Variants in SSBP3 observed in about 807,000 individuals in gnomAD.
SSBP3 encodes the protein single-stranded DNA-binding protein 3.
A neutral mutation model predicts 69.6 loss-of-function variants in SSBP3; 5 were observed. That is an observed-to-expected ratio of 0.07 (90% CI 0.04 to 0.15). SSBP3 has a LOEUF of 0.15. Among genes scored for constraint, SSBP3 ranks in the 10% least tolerant of loss-of-function variants. SSBP3 has a pLI of 1.00. For synonymous variants in SSBP3, 196 were observed against 193.4 expected (o/e 1.01, Z -0.11); for missense variants, 312 against 534.0 (o/e 0.58, Z 4.10).
At chr1:54,266,753 G>A (rs1417454240) in intron 5 of SSBP3, among the ~76,000 whole-genome samples, 1 of 151,718 alleles carries the variant, frequency 6.6e-6, no homozygotes, top group Non-Finnish European at 1.5e-5. Flanking sequence ...TTATGCCCCT[G>A]AGGACAAACA....
chr1:54,349,672 G>A (rs935419150), intron 4 of SSBP3, among the ~76,000 whole-genome samples: 1 of 151,760 alleles, frequency 6.6e-6, no homozygotes, highest in Non-Finnish European at 1.5e-5. Flanking sequence ...GATGGCTGGG[G>A]GTCACAAGAG....
chr1:54,321,646 A>G (rs1320376078), intron 4 of SSBP3, among the ~76,000 whole-genome samples: 2 of 152,246 alleles, frequency 1.3e-5, no homozygotes, highest in Non-Finnish European at 2.9e-5. Context: ...TTCCCGTGCA[A>G]GTCAAACGAA....
chr1:54,274,177 G>A (rs772760178), intron 5 of SSBP3, among the ~76,000 whole-genome samples: 16 of 152,304 alleles, frequency 1.1e-4, no homozygotes, highest in Admixed American at 2.0e-4. Context: ...ATGGGGAGGG[G>A]GTTTTATTTC....
intron 4 of SSBP3, among the ~76,000 whole-genome samples, chr1:54,381,800 G>A (rs1034506528): frequency 4.6e-5 from 7 of 152,388 alleles, no homozygotes; most frequent in African/African-American, 1.7e-4. Flanking sequence ...GCCCAGGGAA[G>A]GGTGACCCCA....
At chr1:54,242,049 GA>G in intron 11 of SSBP3, 114 bp downstream of exon 11, 1 of 1,226,776 alleles carries the variant, frequency 8.2e-7, no homozygotes, top group Non-Finnish European at 1.2e-6. Context: ...GAAGCATCAG[GA>G]GAGTCCTGCT....
At chr1:54,311,985 C>A (rs1646011738) in intron 4 of SSBP3, among the ~76,000 whole-genome samples, 1 of 152,156 alleles carries the variant, frequency 6.6e-6, no homozygotes, top group African/African-American at 2.4e-5. Context: ...TCTCCAGCAT[C>A]CACCGGCTGA....
At chr1:54,255,879 C>T (rs936823566) in intron 7 of SSBP3, among the ~76,000 whole-genome samples, 2 of 152,124 alleles carry the variant, frequency 1.3e-5, no homozygotes, top group African/African-American at 4.8e-5. Context: ...TTGAGACCAG[C>T]TGGCCAACAT....
rs1358952955 is a variant in SSBP3, at chr1:54,401,749, G to T, written c.276+112C>A. 292 of 828,628 alleles carry T rather than the reference G, an allele frequency of 3.5e-4. 2 individuals are homozygous for T. The highest frequency in any genetic ancestry group is 3.7e-5 in the Non-Finnish European group (19 of 515,576). The allele number at this position is 828,628 out of a possible 1,614,324, so 51.3% of individuals were successfully genotyped here. A position where few individuals can be genotyped will look rare whatever the true frequency, so the allele number is the denominator to read the frequency against. On this transcript the variant is annotated intron_variant, in intron 4 of 17. Transcript: ENST00000610401. ...GGTGGGCAGGGGAACAGAAAGAAACGCAAGAAGCAAATAAAGACCACTGCG... is the reference window on the plus strand; with the variant it reads ...GGTGGGCAGGGGAACAGAAAGAAACTCAAGAAGCAAATAAAGACCACTGCG...
intron 4 of SSBP3, chr1:54,285,280 G>C (rs950052148): frequency 2.0e-5 from 3 of 152,164 alleles, no homozygotes; most frequent in Non-Finnish European, 4.4e-5. Flanking sequence ...AAAGAGTTAA[G>C]AGGTTGGGAA....
At chr1:54,380,688 G>A (rs1014210556) in intron 4 of SSBP3, among the ~76,000 whole-genome samples, 1 of 152,148 alleles carries the variant, frequency 6.6e-6, no homozygotes, top group Admixed American at 6.5e-5. Flanking sequence ...GTGGCATTGT[G>A]GCTGACACCT....
chr1:54,256,405 C>T (rs1401675306), intron 7 of SSBP3, among the ~76,000 whole-genome samples: 1 of 152,142 alleles, frequency 6.6e-6, no homozygotes, highest in Non-Finnish European at 1.5e-5. Context: ...TTCATATTTA[C>T]CTCTGCAACT....
intron 4 of SSBP3, among the ~76,000 whole-genome samples, chr1:54,331,872 G>C (rs193192336): frequency 6.0e-4 from 91 of 152,330 alleles, no homozygotes; most frequent in African/African-American, 2.0e-3. Context: ...ATGCATGCCT[G>C]AGCCTCCTAA....
intron 4 of SSBP3, among the ~76,000 whole-genome samples, chr1:54,304,584 G>A (rs1326643116): frequency 1.3e-5 from 2 of 152,146 alleles, no homozygotes; most frequent in African/African-American, 4.8e-5. Context: ...AGATAACTCT[G>A]GCAGAAGGTC....
At chr1:54,240,095 CGCGCGTGTGCGT>C (rs1393867785) in intron 13 of SSBP3, among the ~76,000 whole-genome samples, 5 of 12,966 alleles carry the variant, frequency 3.9e-4, no homozygotes, top group Admixed American at 1.1e-3. Context: ...TGTGCGCGCG[CGCGCGTGTGCGT>C]GCGCGCGCGC....
intron 4 of SSBP3, among the ~76,000 whole-genome samples, chr1:54,312,715 G>A (rs1056659820): frequency 6.6e-6 from 1 of 152,186 alleles, no homozygotes; most frequent in African/African-American, 2.4e-5. Context: ...CCTGAGGCCA[G>A]TGTTCAGACA....
At chr1:54,257,483 G>A (rs145175764) in intron 6 of SSBP3, among the ~76,000 whole-genome samples, 53 of 152,242 alleles carry the variant, frequency 3.5e-4, no homozygotes, top group African/African-American at 1.0e-3. Flanking sequence ...AACGCAGGGC[G>A]GAGGAGGAAA....
At chr1:54,380,259 C>T (rs149411348) in intron 4 of SSBP3, among the ~76,000 whole-genome samples, 365 of 152,264 alleles carry the variant, frequency 2.4e-3, no homozygotes, top group African/African-American at 8.1e-3. Flanking sequence ...CAGGCTAAGT[C>T]ACACACCCCC....
At chr1:54,299,918 G>A (rs1432077077) in intron 4 of SSBP3, among the ~76,000 whole-genome samples, 2 of 152,002 alleles carry the variant, frequency 1.3e-5, no homozygotes, top group Non-Finnish European at 2.9e-5. Context: ...CAGCTCCACC[G>A]ACATAATTCC....
At chr1:54,244,209 T>G (rs1644694114) in intron 9 of SSBP3, among the ~76,000 whole-genome samples, 2 of 152,166 alleles carry the variant, frequency 1.3e-5, no homozygotes, top group African/African-American at 4.8e-5. Context: ...GTTCAAGCGA[T>G]TCTCATTACT....
Sources: gnomAD v4.1 joint callset for allele counts (sites outside exome capture counted in the v4.1 genomes callset) on GRCh38, gnomAD v4.1.1 for gene constraint, MANE v1.5 for transcripts, NCBI Gene and HGNC (gene_info 2026-07-23, HGNC 2026-07-21) for gene names.